Variants in ADSS2 observed in about 807,000 individuals in gnomAD.
The protein encoded by ADSS2 is adenylosuccinate synthetase isozyme 2.
In ADSS2, 30 loss-of-function variants were observed where a neutral mutation model predicts 60.0. The observed-to-expected ratio is 0.50, with a 90% CI of 0.37 to 0.68. ADSS2 has a LOEUF of 0.68. Ranked by LOEUF, ADSS2 falls within the 30% of genes least tolerant of loss-of-function variation. ADSS2 has a pLI of 0.00. For synonymous variants in ADSS2, 187 were observed against 193.1 expected (o/e 0.97, Z 0.26); for missense variants, 373 against 554.8 (o/e 0.67, Z 3.29).
In ADSS2 at chr1:244,409,331, A is replaced by G. The variant is rs1424663147; in HGVS notation, c.*255T>C. 4.2e-6 allele frequency: 1 copy of G among 235,812 alleles called. No homozygotes were observed. Among genetic ancestry groups the G allele is most frequent in the Non-Finnish European group, 6.9e-6 (1 of 144,582 alleles). 14.6% of individuals were successfully genotyped at this position (235,812 alleles called of 1,614,324 possible). A position where few individuals can be genotyped will look rare whatever the true frequency, so the allele number is the denominator to read the frequency against. On this transcript the variant is annotated 3_prime_UTR_variant, in exon 13 of 13. Coordinates refer to ENST00000366535, the MANE Select transcript of ADSS2 (RefSeq NM_001126.5). ...TGGATTATACTATTACTAAACATTG[A>G]AAAAAAAAACGTGGCACCATGAGAG...
At chr1:244,421,505 T>G (rs1257306305) in intron 7 of ADSS2, among the ~76,000 whole-genome samples, 1 of 152,232 alleles carries the variant, frequency 6.6e-6, no homozygotes, top group African/African-American at 2.4e-5. Flanking sequence ...TCACGTTCTT[T>G]GTTCCTTAAA....
chr1:244,411,981 C>T (rs1664427612), intron 11 of ADSS2, among the ~76,000 whole-genome samples: 1 of 152,140 alleles, frequency 6.6e-6, no homozygotes, highest in African/African-American at 2.4e-5. Context: ...TGCTATGGTA[C>T]TCTGCCCAGA....
At chr1:244,432,964 T>C (rs1241211034) in intron 3 of ADSS2, among the ~76,000 whole-genome samples, 1 of 152,076 alleles carries the variant, frequency 6.6e-6, no homozygotes, top group Non-Finnish European at 1.5e-5. Context: ...AGGCCAGGCG[T>C]GGTGGCTAAC....
intron 12 of ADSS2, 98 bp downstream of exon 12, chr1:244,411,189 C>G (rs1664405030): frequency 1.5e-6 from 2 of 1,296,002 alleles, no homozygotes; most frequent in African/African-American, 3.0e-5. Flanking sequence ...CCACTGCACT[C>G]CAGCCTGGGA....
rs752116051 is a variant in ADSS2 at position 244,409,342 on chromosome 1, G to A, written c.*244C>T. On this transcript the variant is annotated 3_prime_UTR_variant, in exon 13 of 13. Transcript: ENST00000366535. ...ATTACTAAACATTGAAAAAAAAAAC[G>A]TGGCACCATGAGAGCAGCAGGAGCA... 14 of 315,262 alleles carry A rather than the reference G, an allele frequency of 4.4e-5. No individual in the cohort carries two copies. The highest frequency in any genetic ancestry group is 8.5e-4 in the Middle Eastern group (1 of 1,170). 19.5% of individuals were successfully genotyped at this position (315,262 alleles called of 1,614,324 possible). A position where few individuals can be genotyped will look rare whatever the true frequency, so the allele number is the denominator to read the frequency against.
chr1:244,445,781 T>A (rs1558281644), intron 1 of ADSS2, among the ~76,000 whole-genome samples: 1 of 152,210 alleles, frequency 6.6e-6, no homozygotes, highest in Non-Finnish European at 1.5e-5. Context: ...CCAAGTGCAT[T>A]TCTGCTGTGG....
rs76040005 is a variant in ADSS2 at position 244,409,330 on chromosome 1, GA to G, written c.*255del. The G allele has an allele frequency of 1.2e-4, 38 of 310,448 alleles. No homozygotes were observed. The highest frequency in any genetic ancestry group is 8.8e-4 in the Middle Eastern group (1 of 1,134). The allele number at this position is 310,448 out of a possible 1,614,324, so 19.2% of individuals were successfully genotyped here. A position where few individuals can be genotyped will look rare whatever the true frequency, so the allele number is the denominator to read the frequency against. Reference sequence around the variant, plus strand: ...ATGGATTATACTATTACTAAACATTGAAAAAAAAAACGTGGCACCATGAGAG... The same window carrying G: ...ATGGATTATACTATTACTAAACATTGAAAAAAAAACGTGGCACCATGAGAG... On this transcript the variant is annotated 3_prime_UTR_variant, in exon 13 of 13. Transcript: ENST00000366535.
chr1:244,451,864 G>A lies in ADSS2; in HGVS notation c.-47C>T. Reference sequence around the variant, plus strand: ...GCCCGAAGGAGAGGCGGCCGGCGAGGAGTGAGCGAACTGAACTGCTCTGCG... The same window carrying A: ...GCCCGAAGGAGAGGCGGCCGGCGAGAAGTGAGCGAACTGAACTGCTCTGCG... On this transcript the variant is annotated 5_prime_UTR_variant, in exon 1 of 13. Transcript: ENST00000366535. The surrounding 1 kb of genome is among the most constrained non-coding windows in gnomAD (Gnocchi z 6.6). 6.7e-7 allele frequency: 1 copy of A among 1,499,198 alleles called. No individual in the cohort carries two copies. The highest frequency in any genetic ancestry group is 8.9e-7 in the Non-Finnish European group (1 of 1,125,620). The allele number at this position is 1,499,198 out of a possible 1,614,324, so 92.9% of individuals were successfully genotyped here. A position where few individuals can be genotyped will look rare whatever the true frequency, so the allele number is the denominator to read the frequency against.
Position 244,436,920 on chromosome 1 carries a change from G to T in ADSS2, c.287-27C>A, listed in dbSNP as rs112002189. On this transcript the variant is annotated intron_variant, in intron 2 of 12. Transcript: ENST00000366535. ...TAAAGGAAAACCAACAAATCCCAACGGTAAACATCTATAACTCAGACATAT... is the reference window on the plus strand; with the variant it reads ...TAAAGGAAAACCAACAAATCCCAACTGTAAACATCTATAACTCAGACATAT... 2.5e-6 allele frequency: 4 copies of T among 1,580,342 alleles called. No individual in the cohort carries two copies. The Admixed American group carries it at 6.8e-5, about 27-fold the overall frequency.
intron 4 of ADSS2, among the ~76,000 whole-genome samples, chr1:244,431,256 G>A (rs1316753982): frequency 6.6e-6 from 1 of 151,970 alleles, no homozygotes; most frequent in Non-Finnish European, 1.5e-5. Flanking sequence ...CTTAAAATAG[G>A]CAACAAAAAT....
At chr1:244,431,377 G>T (rs905221106) in intron 4 of ADSS2, among the ~76,000 whole-genome samples, 1 of 151,892 alleles carries the variant, frequency 6.6e-6, no homozygotes, top group African/African-American at 2.4e-5. Context: ...TTTTGTCTTG[G>T]TTATGCATCT....
upstream of ADSS2, chr1:244,451,930 G>C: frequency 2.6e-6 from 3 of 1,156,518 alleles, no homozygotes; most frequent in Non-Finnish European, 3.5e-6. The surrounding 1 kb of genome is among the most constrained non-coding windows in gnomAD (Gnocchi z 6.6). Context: ...CCAGAGGCCG[G>C]CCCCGCCCCC....
chr1:244,423,503 G>A lies in ADSS2; in HGVS notation c.581+450C>T, dbSNP rs137876088. On this transcript the variant is annotated intron_variant, in intron 6 of 12. Coordinates refer to ENST00000366535, the MANE Select transcript of ADSS2 (RefSeq NM_001126.5). ...CTGGCTACAGAAAGCATGTGTTAAC[G>A]TAGCATCTGTTGATTTCAAGTTGAG... Among the ~76,000 whole-genome samples the A allele has an allele frequency of 6.5e-4, 99 of 152,240 alleles. 1 individual carries two copies. The East Asian group carries it at 0.014, about 22-fold the overall frequency.
At chr1:244,424,423 G>T in intron 4 of ADSS2, 36 bp from the exon 5 acceptor site, 1 of 1,588,240 alleles carries the variant, frequency 6.3e-7, no homozygotes, top group South Asian at 1.1e-5. Flanking sequence ...TTGAAACAAA[G>T]ATAATACACA....
intron 4 of ADSS2, among the ~76,000 whole-genome samples, chr1:244,426,762 T>C (rs2147999517): frequency 6.6e-6 from 1 of 152,226 alleles, no homozygotes; most frequent in African/African-American, 2.4e-5. Flanking sequence ...CTGGCCACAT[T>C]ATATACAATT....
At chr1:244,440,798 A>G (rs1164607100) in intron 1 of ADSS2, among the ~76,000 whole-genome samples, 1 of 152,240 alleles carries the variant, frequency 6.6e-6, no homozygotes, top group Non-Finnish European at 1.5e-5. Flanking sequence ...GTACTTCCAT[A>G]ACCTTGCAAA....
chr1:244,427,679 A>G (rs1483845819), intron 4 of ADSS2, among the ~76,000 whole-genome samples: 1 of 152,228 alleles, frequency 6.6e-6, no homozygotes, highest in Non-Finnish European at 1.5e-5. Flanking sequence ...GGCTATATTA[A>G]TATCAAAGTA....
At chr1:244,422,713 T>A in intron 7 of ADSS2, 122 bp downstream of exon 7, 1 of 692,868 alleles carries the variant, frequency 1.4e-6, no homozygotes, top group Non-Finnish European at 2.5e-6. Flanking sequence ...AAACATACCA[T>A]GTCCAAGACA....
At chr1:244,433,390 T>C (rs1458164009) in intron 3 of ADSS2, among the ~76,000 whole-genome samples, 2 of 152,222 alleles carry the variant, frequency 1.3e-5, no homozygotes. Flanking sequence ...TTTCCAAATG[T>C]CTTGCTCTAA....
Sources: allele counts gnomAD v4.1 joint callset (sites outside exome capture counted in the v4.1 genomes callset), GRCh38; gene constraint gnomAD v4.1.1; non-coding constraint Gnocchi (gnomAD v3.1); transcripts MANE v1.5; gene names NCBI Gene and HGNC (gene_info 2026-07-23, HGNC 2026-07-21).